The following TRMU variants were observed in gnomAD, a reference collection of about 807,000 sequenced individuals.
TRMU encodes mitochondrial tRNA-specific 2-thiouridylase 1.
A neutral mutation model predicts 46.9 loss-of-function variants in TRMU; 49 were observed. The observed-to-expected ratio is 1.05, with a 90% CI of 0.83 to 1.33. The LOEUF (loss-of-function observed/expected upper bound fraction) is 1.33, where lower values mean the gene tolerates loss of function less well. Among genes scored for constraint, TRMU ranks in the 40% most tolerant of loss-of-function variants. The probability of loss-of-function intolerance (pLI) is 0.00; values close to 1 mark genes in which losing one functional copy is unlikely to be tolerated. For synonymous variants in TRMU, 241 were observed against 200.9 expected, an observed-to-expected ratio of 1.20 and a Z score of -1.69; for missense variants, 572 against 532.4, an observed-to-expected ratio of 1.07 and a Z score of -0.73.
At chr22:46,341,943 G>A (rs1489455780) in intron 2 of TRMU, among the ~76,000 whole-genome samples, 2 of 152,212 alleles carry the variant, frequency 1.3e-5, no homozygotes, top group Non-Finnish European at 2.9e-5. Flanking sequence ...CTTGTGTAGG[G>A]AAGCCTCTGA....
rs1465581709 is a variant in TRMU, at chr22:46,339,837, G to T, written c.248+1893G>T. Among the ~76,000 whole-genome samples, 1 of 151,794 alleles carries T rather than the reference G, an allele frequency of 6.6e-6. No homozygotes were observed. The highest frequency in any genetic ancestry group is 1.5e-5 in the Non-Finnish European group (1 of 68,000). ...AAAACTGATGGCTGAATTTTCCTGG[G>T]GAAAGTTACCTGTAGAATGCATGAT... is the stretch of plus-strand genomic sequence containing the variant. On this transcript the variant is annotated intron_variant, in intron 2 of 10. Transcript: ENST00000645190. This position sits in a 1 kb window ranked among gnomAD's most constrained non-coding sequence, Gnocchi z 4.8.
intron 6 of TRMU, 23 bp downstream of exon 6, chr22:46,352,197 A>C: frequency 6.2e-7 from 1 of 1,613,948 alleles, no homozygotes; most frequent in Non-Finnish European, 8.5e-7. Context: ...CTTTGACACA[A>C]AGAGATGGGG....
rs2078376803 is a variant in TRMU at position 46,350,290 on chromosome 22, G to A, written c.479-1G>A. 1.2e-6 allele frequency: 2 copies of A among 1,614,164 alleles called. No individual in the cohort carries two copies. The highest frequency in any genetic ancestry group is 1.7e-6 in the Non-Finnish European group (2 of 1,180,028). On this transcript the variant is annotated splice_acceptor_variant, in intron 4 of 10. Transcript: ENST00000645190. LOFTEE classifies it high-confidence loss of function. The surrounding 1 kb of genome is among the most constrained non-coding windows in gnomAD (Gnocchi z 4.6). ...CGTCTTTTGTTCTTTATTCTTGGCA[G>A]CGGTAAAACTCCTCCAGGCAGCTGA... is the stretch of plus-strand genomic sequence containing the variant.
chr22:46,345,698 C>A (rs774430321), intron 3 of TRMU, among the ~76,000 whole-genome samples: 1 of 152,082 alleles, frequency 6.6e-6, no homozygotes, highest in Non-Finnish European at 1.5e-5. Context: ...TCTGTAAGGA[C>A]CCCCATTGTT....
At position 46,350,325 on chromosome 22, in the gene TRMU, A is replaced by G. The variant is rs370101399; in HGVS notation, c.513A>G (p.Lys171=). Residue 171 remains lysine, a synonymous_variant, in exon 5 of 11, where the codon AAA becomes AAG. Transcript: ENST00000645190. This position sits in a 1 kb window ranked among gnomAD's most constrained non-coding sequence, Gnocchi z 4.6. ...VKLLQAADSF[K]DQTFFLSQVS... is the part of the protein sequence containing the mutation. ...TCCTCCAGGCAGCTGACAGCTTTAA[A>G]GACCAGACCTTCTTTCTCAGCCAGG... 8 of 1,614,126 alleles carry G rather than the reference A, an allele frequency of 5.0e-6. No individual in the cohort carries two copies. The highest frequency in any genetic ancestry group is 5.9e-6 in the Non-Finnish European group (7 of 1,180,050).
rs142285738 is a variant in TRMU at position 46,339,085 on chromosome 22, T to TTAAG, written c.248+1142_248+1143insAAGT. ...GATGCCTCACAGGGTTATGAAAGAA[T>TTAAG]TGAGATTAGGTTCTAGTATGTATGC... On this transcript the variant is annotated intron_variant, in intron 2 of 10. Coordinates refer to ENST00000645190, the MANE Select transcript of TRMU (RefSeq NM_018006.5). The surrounding 1 kb of genome is among the most constrained non-coding windows in gnomAD (Gnocchi z 4.8). Among the ~76,000 whole-genome samples, 8,806 of 152,192 alleles carry TTAAG rather than the reference T, an allele frequency of 0.058. 843 individuals are homozygous for TTAAG. Among genetic ancestry groups the TTAAG allele is most frequent in the African/African-American group, 0.2 (8,223 of 41,468 alleles).
chr22:46,352,035 G>A, intron 5 of TRMU, 86 bp from the exon 6 acceptor site: 2 of 1,468,498 alleles, frequency 1.4e-6, no homozygotes, highest in Non-Finnish European at 9.5e-7. Flanking sequence ...AGGCCGGGAG[G>A]CCCCAGGGCC....
In TRMU at chr22:46,351,241, G is replaced by C. The variant is rs531324794; in HGVS notation, c.651+778G>C. Among the ~76,000 whole-genome samples the C allele has an allele frequency of 4.6e-5, 7 of 152,328 alleles. No homozygotes were observed. The highest frequency in any genetic ancestry group is 1.4e-4 in the African/African-American group (6 of 41,564). ...CCAGGGAGCCGCTGTGGGGGTGCCT[G>C]CCTGTGGCCCCAGCTCCTCAGGAGG... On this transcript the variant is annotated intron_variant, in intron 5 of 10. Transcript: ENST00000645190. The surrounding 1 kb of genome is among the most constrained non-coding windows in gnomAD (Gnocchi z 6.4).
At chr22:46,355,764 G>C (rs1399209640) in intron 9 of TRMU, 176 bp downstream of exon 9, 9 of 1,212,370 alleles carry the variant, frequency 7.4e-6, no homozygotes, top group Non-Finnish European at 1.1e-5. Context: ...GCGAGGCCTG[G>C]GGGTGCTGGG....
intron 1 of TRMU, among the ~76,000 whole-genome samples, chr22:46,337,147 T>C (rs140975952): frequency 2.0e-4 from 30 of 152,308 alleles, no homozygotes; most frequent in African/African-American, 7.0e-4. Flanking sequence ...TATGAAGCCT[T>C]CTTCAGCAGT....
rs771744082 is a variant in TRMU at position 46,353,900 on chromosome 22, G to A, written c.873+33G>A. On this transcript the variant is annotated intron_variant, in intron 8 of 10. Coordinates refer to ENST00000645190, the MANE Select transcript of TRMU (RefSeq NM_018006.5). Reference sequence around the variant, plus strand: ...GGCCGGCCTCTGAGACAGCACTGGGGCTGGTTCTGGCAGGGCCAGCAGTGC... The same window carrying A: ...GGCCGGCCTCTGAGACAGCACTGGGACTGGTTCTGGCAGGGCCAGCAGTGC... 3.1e-6 allele frequency: 5 copies of A among 1,603,292 alleles called. No individual in the cohort carries two copies. In the East Asian group the frequency reaches 8.9e-5, roughly 29 times the overall value.
chr22:46,343,627 C>T (rs955252235), intron 3 of TRMU, among the ~76,000 whole-genome samples: 6 of 152,170 alleles, frequency 3.9e-5, no homozygotes, highest in African/African-American at 1.2e-4. Context: ...CCTCCTGCCT[C>T]GGCCTTCCAA....
intron 3 of TRMU, among the ~76,000 whole-genome samples, chr22:46,344,420 G>A (rs995458867): frequency 2.6e-5 from 4 of 152,206 alleles, no homozygotes; most frequent in African/African-American, 9.7e-5. Flanking sequence ...CAGGGTATCT[G>A]GAAATATGTC....
In TRMU at chr22:46,338,051, C is replaced by T; in HGVS notation, c.248+107C>T. ...GACGCCTGTGCTGCAGCCCAGCGCT[C>T]TCCCTCCACGGTGGTGCTGAAGACT... On this transcript the variant is annotated intron_variant, in intron 2 of 10. Transcript: ENST00000645190. This position sits in a 1 kb window ranked among gnomAD's most constrained non-coding sequence, Gnocchi z 4.5. 6.6e-7 allele frequency: 1 copy of T among 1,507,368 alleles called. No homozygotes were observed. The highest frequency in any genetic ancestry group is 9.2e-7 in the Non-Finnish European group (1 of 1,089,002). 93.4% of individuals were successfully genotyped at this position (1,507,368 alleles called of 1,614,324 possible).
At chr22:46,346,001 CA>C (rs2078246093) in intron 3 of TRMU, among the ~76,000 whole-genome samples, 3 of 152,096 alleles carry the variant, frequency 2.0e-5, no homozygotes, top group Non-Finnish European at 4.4e-5. Context: ...CTCCTGAGCA[CA>C]AGCAATCATC....
At position 46,336,138 on chromosome 22, in the gene TRMU, G is replaced by T. The variant is rs1301057372; in HGVS notation, c.82+292G>T. On this transcript the variant is annotated intron_variant, in intron 1 of 10. Transcript: ENST00000645190. The surrounding 1 kb of genome is among the most constrained non-coding windows in gnomAD (Gnocchi z 4.1). ...AGCCGGCGGGCCGGGGTGGGGTGGG[G>T]AGGGAAGGGTTTCTCACGGATCTGC... 1.5e-6 allele frequency: 2 copies of T among 1,325,698 alleles called. No homozygotes were observed. Among genetic ancestry groups the T allele is most frequent in the African/African-American group, 3.1e-5 (2 of 64,206 alleles). 82.1% of individuals were successfully genotyped at this position (1,325,698 alleles called of 1,614,324 possible).
intron 8 of TRMU, chr22:46,355,043 G>C: frequency 3.5e-6 from 1 of 284,148 alleles, no homozygotes; most frequent in Admixed American, 4.8e-5. Context: ...GGCCTTGAGA[G>C]AAGAGCCCGT....
chr22:46,352,044 C>T lies in TRMU; in HGVS notation c.652-77C>T, dbSNP rs981208887. ...GGGGTGAGGCCGGGAGGCCCCAGGG[C>T]CCGCTCAGGACGTCTGGGTACAGCT... On this transcript the variant is annotated intron_variant, in intron 5 of 10. Coordinates refer to ENST00000645190, the MANE Select transcript of TRMU (RefSeq NM_018006.5). The T allele has an allele frequency of 3.9e-6, 6 of 1,534,726 alleles. No homozygotes were observed. In the African/African-American group the frequency reaches 4.1e-5, roughly 10 times the overall value.
chr22:46,340,668 C>T (rs1310511032), intron 2 of TRMU, among the ~76,000 whole-genome samples: 13 of 117,240 alleles, frequency 1.1e-4, no homozygotes, highest in African/African-American at 2.4e-4. Flanking sequence ...GAATTAGGAG[C>T]GGAGCTGGGA....
Sources: gnomAD v4.1 joint callset for allele counts (sites outside exome capture counted in the v4.1 genomes callset) on GRCh38, gnomAD v4.1.1 for gene constraint, Gnocchi (gnomAD v3.1) non-coding constraint, MANE v1.5 for transcripts, NCBI Gene and HGNC (gene_info 2026-07-23, HGNC 2026-07-21) for gene names.